Variants in APBB1IP observed in about 807,000 individuals in gnomAD.
APBB1IP encodes the protein amyloid beta A4 precursor protein-binding family B member 1-interacting protein.
A neutral mutation model predicts 64.9 loss-of-function variants in APBB1IP; 27 were observed. The observed-to-expected ratio is 0.42, with a 90% CI of 0.31 to 0.57. The LOEUF is 0.57. APBB1IP is among the 20% of genes least tolerant of loss of function. APBB1IP has a pLI of 0.20. For missense variants in APBB1IP, 812 were observed against 845.5 expected (o/e 0.96, Z 0.49); for synonymous variants, 392 against 331.0 (o/e 1.18, Z -2.00).
At chr10:26,439,004 T>A (rs1238075354) in intron 2 of APBB1IP, among the ~76,000 whole-genome samples, 151 bp downstream of exon 2, 2 of 152,152 alleles carry the variant, frequency 1.3e-5, no homozygotes, top group Non-Finnish European at 2.9e-5. Context: ...GGCGTGGCCC[T>A]CGAGCGCAGC....
chr10:26,481,971 G>T, intron 2 of APBB1IP, among the ~76,000 whole-genome samples: 1 of 151,910 alleles, frequency 6.6e-6, no homozygotes, highest in East Asian at 1.9e-4. Flanking sequence ...TATTTAAAAT[G>T]TTATTTACAG....
intron 11 of APBB1IP, among the ~76,000 whole-genome samples, chr10:26,552,160 G>C (rs565912743): frequency 1.3e-5 from 2 of 152,078 alleles, no homozygotes; most frequent in Non-Finnish European, 2.9e-5. Flanking sequence ...AATCAGCAGG[G>C]TGTGGTAGCA....
At chr10:26,525,684 C>T (rs1836465462) in intron 8 of APBB1IP, among the ~76,000 whole-genome samples, 1 of 152,056 alleles carries the variant, frequency 6.6e-6, no homozygotes, top group Admixed American at 6.6e-5. Context: ...GCTGAGGTCG[C>T]TATTGCAAAA....
intron 10 of APBB1IP, among the ~76,000 whole-genome samples, chr10:26,539,960 A>G (rs7902011): frequency 0.35 from 53,389 of 151,818 alleles, 9,861 homozygotes; most frequent in African/African-American, 0.46. Flanking sequence ...TAAGAAAAAG[A>G]GACACTCACG....
chr10:26,534,439 G>T (rs1414671652), intron 9 of APBB1IP, among the ~76,000 whole-genome samples: 1 of 151,992 alleles, frequency 6.6e-6, no homozygotes, highest in Admixed American at 6.6e-5. Flanking sequence ...ACCTTTTCCT[G>T]AGTTAGTAAA....
At chr10:26,546,825 T>C (rs10829023) in intron 11 of APBB1IP, among the ~76,000 whole-genome samples, 47,045 of 152,154 alleles carry the variant, frequency 0.31, 8,161 homozygotes, top group Admixed American at 0.47. Flanking sequence ...GATTCTATAT[T>C]TTAGCTATTG....
intron 11 of APBB1IP, 52 bp from the exon 12 acceptor site, chr10:26,560,053 C>T: frequency 6.8e-7 from 1 of 1,468,352 alleles, no homozygotes; most frequent in Non-Finnish European, 9.5e-7. Context: ...GGTGCTTTGA[C>T]CTCCTAATAC....
chr10:26,508,165 T>C (rs1836207366), intron 6 of APBB1IP, among the ~76,000 whole-genome samples: 1 of 152,210 alleles, frequency 6.6e-6, no homozygotes, highest in Non-Finnish European at 1.5e-5. Context: ...TCATGCATAA[T>C]CTACAACATG....
chr10:26,443,832 C>T (rs1029968756), intron 2 of APBB1IP, among the ~76,000 whole-genome samples: 14 of 152,060 alleles, frequency 9.2e-5, no homozygotes, highest in Admixed American at 3.3e-4. Flanking sequence ...CCACTGTGCC[C>T]GGCCAGATCT....
chr10:26,510,897 G>C (rs1836249531), intron 6 of APBB1IP, among the ~76,000 whole-genome samples: 1 of 152,002 alleles, frequency 6.6e-6, no homozygotes, highest in African/African-American at 2.4e-5. Context: ...TCTCAGTGGG[G>C]CCCCCTCAGT....
At chr10:26,532,893 C>A (rs1490875887) in intron 8 of APBB1IP, among the ~76,000 whole-genome samples, 3 of 152,182 alleles carry the variant, frequency 2.0e-5, no homozygotes, top group Non-Finnish European at 4.4e-5. Context: ...AAATAGTAAA[C>A]CTTGTGTTGT....
chr10:26,450,838 G>A (rs775313747), intron 2 of APBB1IP, among the ~76,000 whole-genome samples: 27 of 152,118 alleles, frequency 1.8e-4, no homozygotes, highest in Non-Finnish European at 3.7e-4. Context: ...TGGGACTACA[G>A]GCATGTGCCA....
chr10:26,493,769 C>T (rs1835987122), intron 3 of APBB1IP, among the ~76,000 whole-genome samples: 1 of 152,192 alleles, frequency 6.6e-6, no homozygotes, highest in South Asian at 2.1e-4. Context: ...CCTACAACCA[C>T]CAGCGCTGAG....
intron 2 of APBB1IP, among the ~76,000 whole-genome samples, chr10:26,443,151 G>A (rs964705950): frequency 6.6e-6 from 1 of 152,188 alleles, no homozygotes; most frequent in African/African-American, 2.4e-5. Context: ...GCCGGGCGTG[G>A]TGGCTCACAC....
chr10:26,526,146 G>C (rs1836470494), intron 8 of APBB1IP, among the ~76,000 whole-genome samples: 1 of 152,164 alleles, frequency 6.6e-6, no homozygotes, highest in Non-Finnish European at 1.5e-5. Context: ...ATAGAGATCT[G>C]AGAATTGAGG....
intron 6 of APBB1IP, among the ~76,000 whole-genome samples, chr10:26,508,817 C>T (rs1366738511): frequency 6.6e-6 from 1 of 152,070 alleles, no homozygotes; most frequent in Non-Finnish European, 1.5e-5. Context: ...ACTCTAGTTT[C>T]CAATTTCTGC....
rs187715891 is a variant in APBB1IP, at chr10:26,439,436, A to G, written c.-1+583A>G. Among the ~76,000 whole-genome samples, 54 of 152,330 alleles carry G rather than the reference A, an allele frequency of 3.5e-4. No homozygotes were observed. In the East Asian group the frequency reaches 9.5e-3, roughly 27 times the overall value. ...ATTCTCATTTTCATTTTAAAATACC[A>G]TAAAGATAGATTTGGACACCAGGCA... is the stretch of plus-strand genomic sequence containing the variant. On this transcript the variant is annotated intron_variant, in intron 2 of 14. Coordinates refer to ENST00000376236, the MANE Select transcript of APBB1IP (RefSeq NM_019043.4).
At chr10:26,524,606 A>G (rs564231747) in intron 8 of APBB1IP, among the ~76,000 whole-genome samples, 2 of 152,314 alleles carry the variant, frequency 1.3e-5, no homozygotes, top group African/African-American at 4.8e-5. Context: ...GAAGGTATGC[A>G]TTGGTTCCCA....
At chr10:26,515,496 ACAAGG>A (rs1164997753) in intron 8 of APBB1IP, among the ~76,000 whole-genome samples, 1 of 152,202 alleles carries the variant, frequency 6.6e-6, no homozygotes, top group Admixed American at 6.5e-5. Context: ...ACACTGAGCT[ACAAGG>A]AAAGCTGACA....
Sources: gnomAD v4.1 joint callset for allele counts (sites outside exome capture counted in the v4.1 genomes callset) on GRCh38, gnomAD v4.1.1 for gene constraint, MANE v1.5 for transcripts, NCBI Gene and HGNC (gene_info 2026-07-23, HGNC 2026-07-21) for gene names.